The following P2RX5 variants were observed in gnomAD, a reference collection of about 807,000 sequenced individuals.
P2RX5 encodes purinergic receptor P2X 5.
In P2RX5, 46 loss-of-function variants were observed where a neutral mutation model predicts 54.1. The observed-to-expected ratio is 0.85, with a 90% confidence interval of 0.67 to 1.09. The LOEUF (loss-of-function observed/expected upper bound fraction) is 1.09. Ranked by LOEUF, P2RX5 falls within the 50% of genes least tolerant of loss-of-function variation. The pLI is 0.00. For missense variants in P2RX5, 566 were observed against 549.8 expected (o/e 1.03, Z -0.29); for synonymous variants, 226 against 226.4 (o/e 1.00, Z 0.02).
At chr17:3,676,026 C>A in intron 11 of P2RX5, 1 of 985,382 alleles carries the variant, frequency 1.0e-6, no homozygotes, top group South Asian at 4.7e-5. Flanking sequence ...TCACCACCCC[C>A]GCCTTTCTGT....
the P2RX5 span, among the ~76,000 whole-genome samples, chr17:3,722,925 G>A: frequency 6.6e-6 from 1 of 152,214 alleles, no homozygotes; most frequent in East Asian, 1.9e-4. Context: ...GCAGGCCGAA[G>A]GTTATTGCAA....
chr17:3,688,886 C>G, intron 7 of P2RX5, 127 bp from the exon 8 acceptor site: 1 of 1,025,590 alleles, frequency 9.8e-7, no homozygotes, highest in Non-Finnish European at 1.5e-6. Flanking sequence ...CCCCTCGAGA[C>G]CACCCTCCAG....
chr17:3,720,909 C>T, the P2RX5 span, among the ~76,000 whole-genome samples: 7 of 151,774 alleles, frequency 4.6e-5, no homozygotes, highest in African/African-American at 7.3e-5. Flanking sequence ...TTCCCTTGTG[C>T]CATCCAAAGT....
chr17:3,711,370 C>CTTTTTTTTTTTTTTTTTTTT, the P2RX5 span, among the ~76,000 whole-genome samples: 52 of 63,094 alleles, frequency 8.2e-4, 8 homozygotes, highest in East Asian at 2.3e-3. Context: ...AGCACTCATT[C>CTTTTTTTTTTTTTTTTTTTT]TTTTTTTTTT....
chr17:3,676,192 G>C (rs1165409041), intron 11 of P2RX5: 1 of 985,336 alleles, frequency 1.0e-6, no homozygotes, highest in African/African-American at 1.7e-5. Flanking sequence ...GGGTTTACGG[G>C]GAGACAACTC....
At chr17:3,723,137 A>G in the P2RX5 span, 1 of 597,308 alleles carries the variant, frequency 1.7e-6, no homozygotes, top group Non-Finnish European at 3.0e-6. Context: ...GAGGGTAGCT[A>G]AGGAACGGGT....
At chr17:3,717,685 C>A in the P2RX5 span, 1 of 152,206 alleles carries the variant, frequency 6.6e-6, no homozygotes, top group Non-Finnish European at 1.5e-5. Context: ...GGGTGAAGGG[C>A]TGGACAAACT....
At position 3,696,064 on chromosome 17, in the gene P2RX5, T is replaced by C. The variant is rs988368861; in HGVS notation, c.-59A>G. 1.3e-6 allele frequency: 2 copies of C among 1,565,360 alleles called. No individual in the cohort carries two copies. Among genetic ancestry groups the C allele is most frequent in the African/African-American group, 1.4e-5 (1 of 73,018 alleles). On this transcript the variant is annotated 5_prime_UTR_variant, in exon 1 of 12. Transcript: ENST00000225328. ...GCCCACGTGCGCTCATGGGGAGCAC[T>C]CGGTCCCTCGGTCCCTGCGCGCCCG...
chr17:3,678,989 C>A (rs570697323), intron 11 of P2RX5, among the ~76,000 whole-genome samples: 5 of 152,304 alleles, frequency 3.3e-5, no homozygotes, highest in Non-Finnish European at 5.9e-5. Context: ...GCCCAAGGAC[C>A]CCCCTGGCAG....
chr17:3,697,936 G>C (rs890082542), upstream of P2RX5, among the ~76,000 whole-genome samples: 1 of 152,080 alleles, frequency 6.6e-6, no homozygotes, highest in Non-Finnish European at 1.5e-5. Flanking sequence ...AAGACCAGAA[G>C]CTCCCGGAGA....
Position 3,691,033 on chromosome 17 carries a change from G to T in P2RX5, c.289-6C>A, listed in dbSNP as rs747081788. On this transcript the variant is annotated splice_region_variant and splice_polypyrimidine_tract_variant and intron_variant, in intron 2 of 11. Coordinates refer to ENST00000225328, the MANE Select transcript of P2RX5 (RefSeq NM_002561.4). ...ACAAAAAAGACGTTCTCTCCCTAAG[G>T]AACCAGAGAGGCACTGAGGAACCTC... The T allele has an allele frequency of 1.9e-6, 3 of 1,608,976 alleles. No homozygotes were observed. Among genetic ancestry groups the T allele is most frequent in the South Asian group, 2.2e-5 (2 of 90,654 alleles).
chr17:3,691,982 G>C, intron 1 of P2RX5, 188 bp from the exon 2 acceptor site: 1 of 636,668 alleles, frequency 1.6e-6, no homozygotes, highest in Admixed American at 2.5e-5. Flanking sequence ...ACCCAGTCCT[G>C]CAAGCAGCAG....
At chr17:3,699,246 T>C (rs2050799938), upstream of P2RX5, among the ~76,000 whole-genome samples, 1 of 151,694 alleles carries the variant, frequency 6.6e-6, no homozygotes, top group Non-Finnish European at 1.5e-5. Flanking sequence ...AAATAAAAAA[T>C]TAGCTGGATG....
the P2RX5 span, among the ~76,000 whole-genome samples, chr17:3,720,003 G>A: frequency 6.6e-6 from 1 of 152,170 alleles, no homozygotes; most frequent in Non-Finnish European, 1.5e-5. Flanking sequence ...TAGGATTACA[G>A]GCGTGAGCCA....
intron 11 of P2RX5, chr17:3,676,324 T>C: frequency 1.0e-6 from 1 of 985,396 alleles, no homozygotes. Flanking sequence ...AGAAGTTCAT[T>C]ACCTGAGTGA....
upstream of P2RX5, among the ~76,000 whole-genome samples, chr17:3,699,798 C>G (rs2050802207): frequency 7.1e-6 from 1 of 140,028 alleles, no homozygotes; most frequent in Admixed American, 7.4e-5. Context: ...GAGTGATACT[C>G]CATCTAAGAA....
chr17:3,690,900 C>T (rs1013685084), intron 3 of P2RX5, 56 bp downstream of exon 3: 40 of 1,483,302 alleles, frequency 2.7e-5, no homozygotes, highest in Non-Finnish European at 3.5e-5. Flanking sequence ...GAGTAGACCC[C>T]AACCACTGCC....
the P2RX5 span, among the ~76,000 whole-genome samples, chr17:3,711,301 G>A: frequency 1.3e-5 from 2 of 149,202 alleles, no homozygotes; most frequent in Admixed American, 6.6e-5. Flanking sequence ...ACCTAAATTG[G>A]CCACGTTATT....
At chr17:3,688,795 CT>C (rs1289324266) in intron 7 of P2RX5, 36 bp from the exon 8 acceptor site, 1 of 1,612,732 alleles carries the variant, frequency 6.2e-7, no homozygotes, top group Non-Finnish European at 8.5e-7. Context: ...GCACACACAG[CT>C]TTCCGGAGAC....
Sources: allele counts gnomAD v4.1 joint callset (sites outside exome capture counted in the v4.1 genomes callset), GRCh38; gene constraint gnomAD v4.1.1; transcripts MANE v1.5; gene names NCBI Gene and HGNC (gene_info 2026-07-23, HGNC 2026-07-21).